The following COL4A6 variants were observed in gnomAD, a reference collection of about 807,000 sequenced individuals.
COL4A6 encodes collagen type IV alpha 6 chain, also known as collagen alpha-6(IV) chain.
In COL4A6, 59 loss-of-function variants were observed where a neutral mutation model predicts 126.7. The ratio of observed to expected loss-of-function variants is 0.47; its 90% confidence interval spans 0.38 to 0.58. COL4A6 has a LOEUF of 0.58. COL4A6 is among the 20% of genes least tolerant of loss of function. COL4A6 has a pLI of 0.00. For synonymous variants in COL4A6, 547 were observed against 496.6 expected (o/e 1.10, Z -1.35); for missense variants, 1,285 against 1,337.3 (o/e 0.96, Z 0.61).
At chrX:108,191,594 T>G in intron 18 of COL4A6, 61 bp from the exon 19 acceptor site, 1 of 1,116,332 alleles carries the variant, frequency 9.0e-7, no homozygotes, top group East Asian at 3.1e-5. Context: ...GGAGTATTCC[T>G]ATCTGTGGCA....
chrX:108,376,730 T>G (rs1292006997), intron 2 of COL4A6, among the ~76,000 whole-genome samples: 1 of 113,296 alleles, frequency 8.8e-6, no homozygotes, highest in Non-Finnish European at 1.9e-5. Flanking sequence ...TATTTATTTG[T>G]TTTGTTGCAA....
intron 2 of COL4A6, among the ~76,000 whole-genome samples, chrX:108,374,821 A>G (rs997300454): frequency 5.3e-5 from 6 of 112,382 alleles, no homozygotes; most frequent in African/African-American, 1.9e-4. Context: ...AGGGTTGACC[A>G]TCCATGACAC....
chrX:108,403,199 A>C (rs558734340), intron 2 of COL4A6, among the ~76,000 whole-genome samples: 1 of 105,159 alleles, frequency 9.5e-6, no homozygotes, highest in Non-Finnish European at 1.9e-5. Context: ...ATGGTGTCCT[A>C]AAGTTTCACC....
intron 2 of COL4A6, among the ~76,000 whole-genome samples, chrX:108,385,233 G>C (rs1001766363): frequency 1.9e-5 from 2 of 105,383 alleles, no homozygotes; most frequent in East Asian, 3.2e-4. Flanking sequence ...ATGAAATTAC[G>C]AAAAGTAATT....
chrX:108,195,229 G>T (rs1430320885), intron 14 of COL4A6, 103 bp from the exon 15 acceptor site: 6 of 613,906 alleles, frequency 9.8e-6, no homozygotes, highest in Admixed American at 3.0e-5. Flanking sequence ...GGATTTAGCA[G>T]CTCCTAAAAT....
At position 108,334,742 on chromosome X, in the gene COL4A6, G is replaced by A. The variant is rs186039011; in HGVS notation, c.64-23914C>T. ...TAAATTCGAGTCTTCAGAAGGATCC[G>A]GGTCCAAATCTTGCTTCTGACACTT... On this transcript the variant is annotated intron_variant, in intron 2 of 44. Transcript: ENST00000334504. 7.6e-4 allele frequency among the ~76,000 whole-genome samples: 85 copies of A among 111,338 alleles called. 1 individual carries two copies. The highest frequency in any genetic ancestry group is 4.6e-3 in the Middle Eastern group (1 of 216).
chrX:108,178,388 G>C (rs1267912350), intron 27 of COL4A6, among the ~76,000 whole-genome samples: 1 of 112,345 alleles, frequency 8.9e-6, no homozygotes, highest in Non-Finnish European at 1.9e-5. Context: ...GATGAGGGTG[G>C]CTTCTCTAAC....
At chrX:108,364,160 C>T (rs1420346042) in intron 2 of COL4A6, among the ~76,000 whole-genome samples, 1 of 111,078 alleles carries the variant, frequency 9.0e-6, no homozygotes, top group Non-Finnish European at 1.9e-5. Context: ...GTGTGAGCCA[C>T]CACGACTGGC....
intron 2 of COL4A6, among the ~76,000 whole-genome samples, chrX:108,423,980 T>A (rs998251357): frequency 5.4e-5 from 6 of 111,715 alleles, no homozygotes; most frequent in African/African-American, 2.0e-4. Flanking sequence ...CTGACCCTGT[T>A]CCAACTGTCC....
chrX:108,169,653 T>A (rs760958609), intron 36 of COL4A6, 33 bp from the exon 37 acceptor site: 1 of 1,182,928 alleles, frequency 8.5e-7, no homozygotes, highest in East Asian at 3.0e-5. Context: ...GGGGCAGACC[T>A]CAGTGGAGGT....
intron 5 of COL4A6, among the ~76,000 whole-genome samples, chrX:108,215,499 A>G (rs1445934005): frequency 2.7e-5 from 3 of 111,396 alleles, no homozygotes; most frequent in Non-Finnish European, 1.9e-5. Context: ...TCTACACTCT[A>G]TCTCCCTCAG....
At chrX:108,298,672 C>G (rs1381852081) in intron 3 of COL4A6, among the ~76,000 whole-genome samples, 3 of 110,153 alleles carry the variant, frequency 2.7e-5, no homozygotes, top group Non-Finnish European at 3.8e-5. Context: ...CAAGGAGGCC[C>G]TGCGGGGGCT....
chrX:108,255,418 T>C (rs2036976729), intron 3 of COL4A6, among the ~76,000 whole-genome samples: 1 of 110,439 alleles, frequency 9.1e-6, no homozygotes, highest in African/African-American at 3.3e-5. Flanking sequence ...CCTTGGGGGC[T>C]GAAGGAACTT....
At chrX:108,298,509 G>A (rs746680448) in intron 3 of COL4A6, among the ~76,000 whole-genome samples, 3 of 111,642 alleles carry the variant, frequency 2.7e-5, no homozygotes, top group South Asian at 7.8e-4. Flanking sequence ...TCCCAGCCAC[G>A]GGTGGGTGAT....
intron 2 of COL4A6, among the ~76,000 whole-genome samples, chrX:108,335,496 G>A (rs374317366): frequency 1.4e-4 from 16 of 111,004 alleles, no homozygotes; most frequent in South Asian, 7.6e-4. Flanking sequence ...GGAAAGTGTC[G>A]GTTTTATAAA....
At chrX:108,243,692 G>T (rs2036636667) in intron 3 of COL4A6, among the ~76,000 whole-genome samples, 1 of 112,184 alleles carries the variant, frequency 8.9e-6, no homozygotes, top group South Asian at 3.7e-4. Flanking sequence ...TGCAGCTAAG[G>T]TTTGGGAACC....
chrX:108,262,603 T>G (rs767090121), intron 3 of COL4A6, among the ~76,000 whole-genome samples: 5 of 111,781 alleles, frequency 4.5e-5, no homozygotes, highest in Non-Finnish European at 9.4e-5. Flanking sequence ...CACCACTTCA[T>G]GACCATCCAT....
At chrX:108,354,309 C>A (rs189864749) in intron 2 of COL4A6, among the ~76,000 whole-genome samples, 1 of 111,922 alleles carries the variant, frequency 8.9e-6, no homozygotes, top group African/African-American at 3.2e-5. Context: ...CTTCCCTCAA[C>A]AAGCATATAC....
In COL4A6 at chrX:108,438,398, T is replaced by G. The variant is rs1480144853; in HGVS notation, c.-202A>C. Reference sequence around the variant, plus strand: ...AGGGAAACAGGCTCAGCGGTGCCCGTTACAACTTGCAGCACTCAGGAGATA... The same window carrying G: ...AGGGAAACAGGCTCAGCGGTGCCCGGTACAACTTGCAGCACTCAGGAGATA... On this transcript the variant is annotated 5_prime_UTR_variant, in exon 1 of 45. Transcript: ENST00000334504. 7.6e-6 allele frequency: 8 copies of G among 1,046,189 alleles called. No individual in the cohort carries two copies. Among genetic ancestry groups the G allele is most frequent in the Non-Finnish European group, 9.8e-6 (8 of 819,501 alleles). 86.2% of individuals were successfully genotyped at this position (1,046,189 alleles called of 1,213,427 possible). A position where few individuals can be genotyped will look rare whatever the true frequency, so the allele number is the denominator to read the frequency against.
Sources: gnomAD v4.1 joint callset for allele counts (sites outside exome capture counted in the v4.1 genomes callset) on GRCh38, gnomAD v4.1.1 for gene constraint, MANE v1.5 for transcripts, NCBI Gene and HGNC (gene_info 2026-07-23, HGNC 2026-07-21) for gene names.